Variants in DR1 observed in about 807,000 individuals in gnomAD.
The protein encoded by DR1 is protein Dr1.
In DR1, 7 loss-of-function variants were observed where a neutral mutation model predicts 19.9. The ratio of observed to expected loss-of-function variants is 0.35; its 90% CI spans 0.20 to 0.66. DR1 has a LOEUF of 0.66. Among genes scored for constraint, DR1 ranks in the 30% least tolerant of loss-of-function variants. The pLI is 0.66. For synonymous variants in DR1, 76 were observed against 72.5 expected (o/e 1.05, Z -0.24); for missense variants, 98 against 203.7 (o/e 0.48, Z 3.16).
chr1:93,349,831 T>G (rs966538959), intron 1 of DR1, among the ~76,000 whole-genome samples: 3 of 152,104 alleles, frequency 2.0e-5, no homozygotes, highest in African/African-American at 7.2e-5. Flanking sequence ...TACTATTTGA[T>G]TCAATAGACA....
chr1:93,350,333 C>T (rs1274439750), intron 1 of DR1, among the ~76,000 whole-genome samples: 1 of 152,086 alleles, frequency 6.6e-6, no homozygotes, highest in African/African-American at 2.4e-5. Flanking sequence ...GTTTCAGAAA[C>T]CTTTGCCAGG....
chr1:93,356,586 T>G (rs529216571), intron 2 of DR1, among the ~76,000 whole-genome samples: 14 of 152,352 alleles, frequency 9.2e-5, no homozygotes, highest in African/African-American at 2.2e-4. Context: ...TTGTAGAGAC[T>G]TGAAATTATT....
chr1:93,351,955 A>G (rs895050297), intron 1 of DR1, among the ~76,000 whole-genome samples: 2 of 152,246 alleles, frequency 1.3e-5, no homozygotes, highest in Non-Finnish European at 2.9e-5. Flanking sequence ...GATGAGAAAT[A>G]CATAGTCTGA....
At chr1:93,360,372 T>G in intron 2 of DR1, 121 bp from the exon 3 acceptor site, 1 of 874,684 alleles carries the variant, frequency 1.1e-6, no homozygotes, top group Non-Finnish European at 1.7e-6. Flanking sequence ...ACATAGTACT[T>G]GGACAGTATC....
intron 2 of DR1, 57 bp from the exon 3 acceptor site, chr1:93,360,436 G>A: frequency 6.8e-7 from 1 of 1,471,814 alleles, no homozygotes; most frequent in Non-Finnish European, 9.0e-7. Flanking sequence ...TAACCAAAGT[G>A]TATATATTGT....
chr1:93,348,953 G>A (rs2101635062), intron 1 of DR1, among the ~76,000 whole-genome samples: 1 of 152,140 alleles, frequency 6.6e-6, no homozygotes, highest in East Asian at 1.9e-4. Context: ...TGTTTGAAGT[G>A]TGTGCCTATA....
At chr1:93,352,168 C>T (rs1666919912) in intron 1 of DR1, among the ~76,000 whole-genome samples, 1 of 152,200 alleles carries the variant, frequency 6.6e-6, no homozygotes, top group Non-Finnish European at 1.5e-5. Context: ...CTCCTGGGCA[C>T]AAGCGATCTT....
In DR1 at chr1:93,363,210, A is replaced by C. The variant is rs1373306353; in HGVS notation, c.*2571A>C. The C allele has an allele frequency of 6.6e-6, 1 of 152,136 alleles. No individual in the cohort carries two copies. The highest frequency in any genetic ancestry group is 1.5e-5 in the Non-Finnish European group (1 of 68,014). The allele number at this position is 152,136 out of a possible 1,614,324, so 9.4% of individuals were successfully genotyped here. On this transcript the variant is annotated 3_prime_UTR_variant, in exon 3 of 3. Transcript: ENST00000370272. ...CTTAACACTGTCTTCTTTCTTGCTGAAAGTTACTATCCTGACTTCTAAAAT... is the reference window on the plus strand; with the variant it reads ...CTTAACACTGTCTTCTTTCTTGCTGCAAGTTACTATCCTGACTTCTAAAAT...
At chr1:93,348,199 T>G (rs1666875406) in intron 1 of DR1, among the ~76,000 whole-genome samples, 1 of 151,972 alleles carries the variant, frequency 6.6e-6, no homozygotes, top group African/African-American at 2.4e-5. Context: ...TTCTTAAAAC[T>G]AGTACTAGTT....
In DR1 at chr1:93,361,958, G is replaced by A. The variant is rs1300319603; in HGVS notation, c.*1319G>A. The A allele has an allele frequency of 6.6e-6, 1 of 152,446 alleles. No homozygotes were observed. Among genetic ancestry groups the A allele is most frequent in the East Asian group, 1.9e-4 (1 of 5,196 alleles). 9.4% of individuals were successfully genotyped at this position (152,446 alleles called of 1,614,324 possible). ...AATGTCTATATTTTGGAAACAGAAAGGAAAAGTCACTTAAGATAGTATTAA... is the reference window on the plus strand; with the variant it reads ...AATGTCTATATTTTGGAAACAGAAAAGAAAAGTCACTTAAGATAGTATTAA... On this transcript the variant is annotated 3_prime_UTR_variant, in exon 3 of 3. Transcript: ENST00000370272.
At chr1:93,349,213 A>G (rs1666888869) in intron 1 of DR1, among the ~76,000 whole-genome samples, 1 of 152,086 alleles carries the variant, frequency 6.6e-6, no homozygotes, top group Admixed American at 6.5e-5. Context: ...AATGCAAGTT[A>G]AAGTTGAACT....
Position 93,350,609 on chromosome 1 carries a change from T to C in DR1, c.221-3299T>C, listed in dbSNP as rs149052466. On this transcript the variant is annotated intron_variant, in intron 1 of 2. Coordinates refer to ENST00000370272, the MANE Select transcript of DR1 (RefSeq NM_001938.3). Reference sequence around the variant, plus strand: ...CACTTTGTAAAATAAGATAAGCCTATATGAAGATTATTGTTGCTTCAAAGA... The same window carrying C: ...CACTTTGTAAAATAAGATAAGCCTACATGAAGATTATTGTTGCTTCAAAGA... Among the ~76,000 whole-genome samples, 3 of 152,338 alleles carry C rather than the reference T, an allele frequency of 2.0e-5. No homozygotes were observed. The East Asian group carries it at 5.8e-4, about 29-fold the overall frequency.
At chr1:93,352,000 C>T (rs999570345) in intron 1 of DR1, among the ~76,000 whole-genome samples, 12 of 152,140 alleles carry the variant, frequency 7.9e-5, no homozygotes, top group African/African-American at 2.9e-4. Context: ...TAGACACTGT[C>T]AAACGCCTTA....
chr1:93,346,916 G>A, intron 1 of DR1, 51 bp downstream of exon 1: 1 of 1,478,466 alleles, frequency 6.8e-7, no homozygotes, highest in Admixed American at 1.9e-5. Context: ...GTAGCAGTCT[G>A]CTAATCGCGT....
At chr1:93,360,001 C>G (rs1387184900) in intron 2 of DR1, among the ~76,000 whole-genome samples, 1 of 152,084 alleles carries the variant, frequency 6.6e-6, no homozygotes, top group Admixed American at 6.5e-5. Context: ...CATACATGTA[C>G]AGTACTTCTT....
At chr1:93,355,306 C>G (rs1666966477) in intron 2 of DR1, 1 of 152,140 alleles carries the variant, frequency 6.6e-6, no homozygotes, top group Non-Finnish European at 1.5e-5. Context: ...CAGTTACTTA[C>G]TGAAGTCATT....
rs1667082110 is a variant in DR1, at chr1:93,363,506, T to C, written c.*2867T>C. 2 of 152,248 alleles carry C rather than the reference T, an allele frequency of 1.3e-5. No individual in the cohort carries two copies. The highest frequency in any genetic ancestry group is 1.3e-4 in the Admixed American group (2 of 15,282). The allele number at this position is 152,248 out of a possible 1,614,324, so 9.4% of individuals were successfully genotyped here. A position where few individuals can be genotyped will look rare whatever the true frequency, so the allele number is the denominator to read the frequency against. On this transcript the variant is annotated 3_prime_UTR_variant, in exon 3 of 3. Coordinates refer to ENST00000370272, the MANE Select transcript of DR1 (RefSeq NM_001938.3). ...GAGGGAGAATGTTTTCTTCCCTTTT[T>C]TGGCTTCCAGTGACGGCCTGTATTT...
Position 93,360,520 on chromosome 1 carries a change from C to A in DR1, c.412C>A (p.Gln138Lys), listed in dbSNP as rs1187530213. 1 of 1,587,384 alleles carries A rather than the reference C, an allele frequency of 6.3e-7. No individual in the cohort carries two copies. Among genetic ancestry groups the A allele is most frequent in the African/African-American group, 1.4e-5 (1 of 72,802 alleles). The change falls in exon 3 of 3, where the codon CAA becomes AAA. Residue 138 changes from glutamine to lysine, a missense_variant. By Grantham distance (53) the Gln-to-Lys change is moderately conservative. Transcript: ENST00000370272. Reference sequence around the variant, plus strand: ...TAGACAGCAACAAGCAGAATTGGCCCAACAGGAATGGCTTCAAATGCAGCA... The same window carrying A: ...TAGACAGCAACAAGCAGAATTGGCCAAACAGGAATGGCTTCAAATGCAGCA... ...KARQQQAELA[Q>K]QEWLQMQQAA... is the part of the protein sequence containing the mutation.
rs55792701 is a variant in DR1 at position 93,362,826 on chromosome 1, C to CTTTTTTTTTTTTT, written c.*2203_*2215dup. On this transcript the variant is annotated 3_prime_UTR_variant, in exon 3 of 3. Coordinates refer to ENST00000370272, the MANE Select transcript of DR1 (RefSeq NM_001938.3). ...GCAATATTTTATTTTTAGGTTTTTT[C>CTTTTTTTTTTTTT]TTTTTTTTTTTTTTTTTTTTTTTTT... 8 of 52,848 alleles carry CTTTTTTTTTTTTT rather than the reference C, an allele frequency of 1.5e-4. No homozygotes were observed. Among genetic ancestry groups the CTTTTTTTTTTTTT allele is most frequent in the African/African-American group, 3.2e-4 (4 of 12,624 alleles). The allele number at this position is 52,848 out of a possible 1,614,324, so 3.3% of individuals were successfully genotyped here.
Sources: allele counts gnomAD v4.1 joint callset (sites outside exome capture counted in the v4.1 genomes callset), GRCh38; gene constraint gnomAD v4.1.1; transcripts MANE v1.5; gene names NCBI Gene and HGNC (gene_info 2026-07-23, HGNC 2026-07-21).